The following ANKRD12 variants were observed in gnomAD, a reference collection of about 807,000 sequenced individuals.
ANKRD12 encodes the protein ankyrin repeat domain-containing protein 12.
ANKRD12 carries 85 observed loss-of-function variants against 183.4 expected under a neutral mutation model. That is an observed-to-expected ratio of 0.46 (90% CI 0.39 to 0.56). The LOEUF is 0.56. Ranked by LOEUF, ANKRD12 falls within the 20% of genes least tolerant of loss-of-function variation. The pLI, the probability that ANKRD12 is intolerant of heterozygous loss-of-function variation, is 0.00. For missense variants in ANKRD12, 2,405 were observed against 2,357.1 expected (o/e 1.02, Z -0.42); for synonymous variants, 914 against 800.2 (o/e 1.14, Z -2.40).
intron 1 of ANKRD12, among the ~76,000 whole-genome samples, chr18:9,172,561 CA>C (rs2032845215): frequency 1.3e-5 from 2 of 152,164 alleles, no homozygotes; most frequent in East Asian, 3.8e-4. Flanking sequence ...TTGTGTTTCT[CA>C]GCTCCATCAG....
rs149167457 is a variant in ANKRD12 at position 9,257,699 on chromosome 18, T to A, written c.4432T>A (p.Cys1478Ser). ...LRQTELPGNS[C>S]AQDPASFMPP... ...CCAGACTGAACTGCCAGGAAACTCT[T>A]GTGCTCAGGATCCGGCATCCTTTAT... is the stretch of plus-strand genomic sequence containing the variant. Residue 1478 changes from cysteine (C) to serine (S), a missense_variant, in exon 9 of 13, where the codon TGT becomes AGT. Transcript: ENST00000262126. 4.0e-4 allele frequency: 639 copies of A among 1,614,044 alleles called. 1 individual carries two copies. In the African/African-American group the frequency reaches 7.9e-3, roughly 20 times the overall value.
At chr18:9,143,926 C>G (rs2078407159) in intron 1 of ANKRD12, among the ~76,000 whole-genome samples, 1 of 152,328 alleles carries the variant, frequency 6.6e-6, no homozygotes, top group South Asian at 2.1e-4. Context: ...CTTTGAAGCT[C>G]TTCCTCTTCC....
intron 1 of ANKRD12, among the ~76,000 whole-genome samples, chr18:9,169,430 CTCT>C (rs1378081086): frequency 6.6e-6 from 1 of 152,164 alleles, no homozygotes; most frequent in Non-Finnish European, 1.5e-5. Context: ...GGATAGTTAT[CTCT>C]TCTTGTTGAA....
At chr18:9,187,246 C>A (rs2034146897) in intron 2 of ANKRD12, among the ~76,000 whole-genome samples, 1 of 151,872 alleles carries the variant, frequency 6.6e-6, no homozygotes, top group Non-Finnish European at 1.5e-5. Flanking sequence ...GGCAAGACCC[C>A]CGTCTCTACC....
At position 9,216,640 on chromosome 18, in the gene ANKRD12, T is replaced by C. The variant is rs1185032294; in HGVS notation, c.653-118T>C. The C allele has an allele frequency of 5.0e-6, 5 of 1,007,764 alleles. No homozygotes were observed. In the East Asian group the frequency reaches 1.3e-4, roughly 26 times the overall value. 62.4% of individuals were successfully genotyped at this position (1,007,764 alleles called of 1,614,324 possible). On this transcript the variant is annotated intron_variant, in intron 6 of 12. Coordinates refer to ENST00000262126, the MANE Select transcript of ANKRD12 (RefSeq NM_015208.5). ...TTTTAGTAGCTTCTTCATCACTCCT[T>C]TTTTTTTGCACGATGTGCAGTTTTA...
intron 9 of ANKRD12, chr18:9,259,467 C>T (rs1277713868): frequency 6.7e-6 from 1 of 149,344 alleles, no homozygotes; most frequent in East Asian, 1.9e-4. Flanking sequence ...TATGCAGACT[C>T]TATATAAACA....
intron 1 of ANKRD12, among the ~76,000 whole-genome samples, chr18:9,172,262 G>A (rs2032812332): frequency 6.6e-6 from 1 of 151,982 alleles, no homozygotes; most frequent in Non-Finnish European, 1.5e-5. Flanking sequence ...TTTGAATGTT[G>A]GCCCTTCTTG....
At chr18:9,187,376 C>G (rs2034156815) in intron 2 of ANKRD12, among the ~76,000 whole-genome samples, 1 of 152,172 alleles carries the variant, frequency 6.6e-6, no homozygotes, top group African/African-American at 2.4e-5. Context: ...TGCGTTCCAG[C>G]CTGGCAAGAG....
chr18:9,158,660 T>C (rs570654093), intron 1 of ANKRD12, among the ~76,000 whole-genome samples: 2 of 152,324 alleles, frequency 1.3e-5, no homozygotes, highest in East Asian at 3.9e-4. Context: ...TAATAGTATT[T>C]GTCAGGTTTC....
intron 1 of ANKRD12, among the ~76,000 whole-genome samples, chr18:9,154,580 T>A (rs894145847): frequency 3.3e-5 from 5 of 152,082 alleles, no homozygotes; most frequent in South Asian, 4.1e-4. Flanking sequence ...CAACACACAC[T>A]CTGGCTACTG....
At chr18:9,198,048 G>C (rs1240653226) in intron 3 of ANKRD12, among the ~76,000 whole-genome samples, 1 of 152,016 alleles carries the variant, frequency 6.6e-6, no homozygotes, top group Non-Finnish European at 1.5e-5. Flanking sequence ...TTTTTAAAAA[G>C]TAGAATTCAG....
At chr18:9,272,546 A>C (rs2039654032) in intron 10 of ANKRD12, among the ~76,000 whole-genome samples, 1 of 151,732 alleles carries the variant, frequency 6.6e-6, no homozygotes, top group Non-Finnish European at 1.5e-5. Flanking sequence ...TGGACGACAG[A>C]GTGGGACTCC....
intron 5 of ANKRD12, among the ~76,000 whole-genome samples, chr18:9,211,351 T>A (rs532308434): frequency 2.0e-5 from 3 of 152,220 alleles, no homozygotes; most frequent in African/African-American, 7.2e-5. Context: ...TAAACCAATT[T>A]TATGAATTGA....
intron 1 of ANKRD12, among the ~76,000 whole-genome samples, chr18:9,176,019 C>T (rs528434088): frequency 2.1e-4 from 32 of 152,266 alleles, no homozygotes; most frequent in Non-Finnish European, 4.1e-4. Context: ...TGTTGTATTG[C>T]AGTCACCTCA....
At position 9,255,354 on chromosome 18, in the gene ANKRD12, G is replaced by T; in HGVS notation, c.2087G>T (p.Trp696Leu). The T allele has an allele frequency of 6.2e-7, 1 of 1,608,080 alleles. No homozygotes were observed. The highest frequency in any genetic ancestry group is 1.1e-5 in the South Asian group (1 of 89,342). The change falls in exon 9 of 13, where the codon TGG becomes TTG. Residue 696 changes from tryptophan to leucine, a missense_variant. Physicochemically the swap from Trp to Leu is moderately conservative, Grantham distance 61 (BLOSUM62 -2). Coordinates refer to ENST00000262126, the MANE Select transcript of ANKRD12 (RefSeq NM_015208.5). ...AGTGTGGAATTTGATAGAGAATTTT[G>T]GAAAGAGAATTTTTTTAAAAGTGAT... Reference protein sequence around the residue: ...QRSVEFDREFWKENFFKSDET... With the variant: ...QRSVEFDREFLKENFFKSDET...
chr18:9,209,574 T>C (rs2035669104), intron 5 of ANKRD12, among the ~76,000 whole-genome samples: 1 of 152,158 alleles, frequency 6.6e-6, no homozygotes. Context: ...CTAAATATTA[T>C]AATTTCAAAG....
Position 9,255,848 on chromosome 18 carries a change from A to G in ANKRD12, c.2581A>G (p.Ser861Gly). Residue 861 changes from serine (S) to glycine (G), a missense_variant, in exon 9 of 13, where the codon AGT (serine) becomes GGT (glycine). Ser to Gly is a moderately conservative substitution (Grantham distance 56). Coordinates refer to ENST00000262126, the MANE Select transcript of ANKRD12 (RefSeq NM_015208.5). ...HKSEKDKLDL[S>G]ECVDKIKEKD... is the part of the protein sequence containing the mutation. ...GTCAGAAAAAGACAAATTAGATCTT[A>G]GTGAATGTGTTGATAAAATAAAAGA... is the stretch of plus-strand genomic sequence containing the variant. The G allele has an allele frequency of 6.3e-7, 1 of 1,585,178 alleles. No homozygotes were observed. The highest frequency in any genetic ancestry group is 8.5e-7 in the Non-Finnish European group (1 of 1,172,372).
intron 1 of ANKRD12, among the ~76,000 whole-genome samples, chr18:9,138,341 C>G (rs1341119361): frequency 3.9e-5 from 6 of 152,054 alleles, no homozygotes; most frequent in Admixed American, 6.6e-5. Context: ...AGTGAAACCC[C>G]CGTCTCTACT....
intron 8 of ANKRD12, among the ~76,000 whole-genome samples, chr18:9,247,079 TC>T: frequency 6.6e-6 from 1 of 152,360 alleles, no homozygotes; most frequent in African/African-American, 2.4e-5. Context: ...CCAAGACAGT[TC>T]TTCATTATGT....
Sources: gnomAD v4.1 joint callset for allele counts (sites outside exome capture counted in the v4.1 genomes callset) on GRCh38, gnomAD v4.1.1 for gene constraint, MANE v1.5 for transcripts, NCBI Gene and HGNC (gene_info 2026-07-23, HGNC 2026-07-21) for gene names.